BOP1: variants seen among roughly 807,000 people sequenced by gnomAD.
The protein encoded by BOP1 is BOP1 ribosomal biogenesis factor.
Under a neutral mutation model 82.9 loss-of-function variants are expected in BOP1, and 54 were observed. The ratio of observed to expected loss-of-function variants is 0.65; its 90% confidence interval spans 0.52 to 0.82. The LOEUF is 0.82. Among genes scored for constraint, BOP1 ranks in the 40% least tolerant of loss-of-function variants. The probability of loss-of-function intolerance (pLI) is 0.00; values close to 1 mark genes in which losing one functional copy is unlikely to be tolerated. For synonymous variants in BOP1, 566 were observed against 451.1 expected, an observed-to-expected ratio of 1.25 and a Z score of -3.23; for missense variants, 1,170 against 1,072.0, an observed-to-expected ratio of 1.09 and a Z score of -1.28.
rs1845233938 is a variant in BOP1, at chr8:144,262,606, TTGG to T, written c.1958_1960del (p.Thr653del). The T allele has an allele frequency of 6.2e-7, 1 of 1,613,290 alleles. No individual in the cohort carries two copies. Among genetic ancestry groups the T allele is most frequent in the Non-Finnish European group, 8.5e-7 (1 of 1,179,818 alleles). On this transcript the variant is annotated inframe_deletion, in exon 14 of 16. Coordinates refer to ENST00000569669, the MANE Select transcript of BOP1 (RefSeq NM_015201.5). ...TCCTCACCTCAGCATCCTGTATGGC[TTGG>T]TGGAAAGATCCAGGTCAAACCACAC...
At chr8:144,283,746 G>C (rs1264984055) in intron 2 of BOP1, among the ~76,000 whole-genome samples, 1 of 152,266 alleles carries the variant, frequency 6.6e-6, no homozygotes, top group Non-Finnish European at 1.5e-5. Flanking sequence ...CTGGTGGTGG[G>C]AAAGCAGCTG....
chr8:144,262,666 T>A lies in BOP1; in HGVS notation c.1901A>T (p.Asn634Ile). ...SSLAVHPAGD[N>I]VICGSYDSKL... ...GCTATCGTAGCTCCCACAGATGACG[T>A]TGTCACCTAGGGCCAAAGGCTGTGA... Residue 634 changes from asparagine (N) to isoleucine (I), a missense_variant, in exon 14 of 16, where the codon AAC becomes ATC. Physicochemically the swap from Asn to Ile is moderately radical, Grantham distance 149. Transcript: ENST00000569669. The A allele has an allele frequency of 6.2e-7, 1 of 1,613,246 alleles. No homozygotes were observed. The highest frequency in any genetic ancestry group is 8.5e-7 in the Non-Finnish European group (1 of 1,179,774).
Position 144,262,383 on chromosome 8 carries a change from G to C in BOP1, c.2087+13C>G, listed in dbSNP as rs1588585008. ...CTGCCCTGGGGAGGGGGCCAGGCAG[G>C]GTCAGCACTCACTTGTACACCATGC... On this transcript the variant is annotated intron_variant, in intron 15 of 15. Coordinates refer to ENST00000569669, the MANE Select transcript of BOP1 (RefSeq NM_015201.5). 8 of 1,612,678 alleles carry C rather than the reference G, an allele frequency of 5.0e-6. No homozygotes were observed. Among genetic ancestry groups the C allele is most frequent in the Non-Finnish European group, 6.8e-6 (8 of 1,179,800 alleles).
intron 3 of BOP1, among the ~76,000 whole-genome samples, chr8:144,275,833 A>G (rs1168302429): frequency 6.6e-6 from 1 of 151,572 alleles, no homozygotes; most frequent in Non-Finnish European, 1.5e-5. Flanking sequence ...CGACAGGGGC[A>G]CCACCCATGC....
At chr8:144,266,649 C>T in intron 3 of BOP1, 2 of 1,252,454 alleles carry the variant, frequency 1.6e-6, no homozygotes, top group Non-Finnish European at 2.0e-6. Flanking sequence ...CGCCGCCGGG[C>T]CGCTACCTGT....
chr8:144,263,551 C>G lies in BOP1; in HGVS notation c.1351G>C (p.Val451Leu). The stretch of plus-strand genomic sequence containing the variant: ...CTCTTCACCACGCCCCCCACGGGAA[C>G]AGTCCTCACACAGCGGGCAGTGGCC... ...EVATARCVRT[V>L]PVGGVVKSVA... The change falls in exon 11 of 16, where the codon GTT becomes CTT. Residue 451 changes from valine (V) to leucine (L), a missense_variant. Val to Leu is a conservative substitution (Grantham distance 32, BLOSUM62 1). Coordinates refer to ENST00000569669, the MANE Select transcript of BOP1 (RefSeq NM_015201.5). The G allele has an allele frequency of 1.2e-6, 2 of 1,601,480 alleles. No individual in the cohort carries two copies. The highest frequency in any genetic ancestry group is 1.3e-5 in the African/African-American group (1 of 75,022).
chr8:144,287,596 C>G (rs782143751), intron 2 of BOP1, among the ~76,000 whole-genome samples: 58 of 152,174 alleles, frequency 3.8e-4, no homozygotes, highest in South Asian at 6.2e-4. Flanking sequence ...GATTCCTGGG[C>G]TCAGGAGATC....
chr8:144,265,250 C>G, intron 3 of BOP1, 179 bp from the exon 4 acceptor site: 1 of 716,576 alleles, frequency 1.4e-6, no homozygotes, highest in Non-Finnish European at 2.3e-6. Context: ...CGTGGCATGG[C>G]GGCCACGCTG....
chr8:144,286,302 A>G (rs1189189472), intron 2 of BOP1, among the ~76,000 whole-genome samples: 1 of 152,158 alleles, frequency 6.6e-6, no homozygotes, highest in African/African-American at 2.4e-5. Context: ...CCCCTCAGCT[A>G]AAGCACAGGA....
At chr8:144,286,156 GA>G (rs1305107899) in intron 2 of BOP1, among the ~76,000 whole-genome samples, 9 of 152,166 alleles carry the variant, frequency 5.9e-5, no homozygotes, top group Non-Finnish European at 1.5e-5. Context: ...GAACAGGGGG[GA>G]AAAGGGAGGG....
chr8:144,287,469 C>T (rs578039429), intron 2 of BOP1, among the ~76,000 whole-genome samples: 10 of 152,154 alleles, frequency 6.6e-5, no homozygotes, highest in Non-Finnish European at 1.2e-4. Flanking sequence ...AATGGTGCTG[C>T]TACAATATCT....
rs1377471852 is a variant in BOP1 at position 144,264,205 on chromosome 8, C to G, written c.978+20G>C. The G allele has an allele frequency of 6.2e-7, 1 of 1,606,858 alleles. No individual in the cohort carries two copies. The highest frequency in any genetic ancestry group is 8.5e-7 in the Non-Finnish European group (1 of 1,177,670). On this transcript the variant is annotated intron_variant, in intron 7 of 15. Transcript: ENST00000569669. Reference sequence around the variant, plus strand: ...GGGAAGCATGGGGACAGGGTCCCGGCCCCCAGGATGCAGGCCCACCTCCTC... The same window carrying G: ...GGGAAGCATGGGGACAGGGTCCCGGGCCCCAGGATGCAGGCCCACCTCCTC...
At chr8:144,281,626 T>TCACTTTAA (rs1564602188) in intron 2 of BOP1, 1 of 151,032 alleles carries the variant, frequency 6.6e-6, no homozygotes, top group Non-Finnish European at 1.5e-5. Flanking sequence ...AGGCCTTCTC[T>TCACTTTAA]TACTTTAATA....
intron 2 of BOP1, among the ~76,000 whole-genome samples, chr8:144,286,444 ACGCGGGCAGG>A (rs1554839483): frequency 8.0e-6 from 1 of 125,338 alleles, no homozygotes; most frequent in African/African-American, 3.0e-5. Flanking sequence ...AGCACAGGAC[ACGCGGGCAGG>A]TGCATGGGCG....
chr8:144,263,398 C>T lies in BOP1; in HGVS notation c.1428G>A (p.Glu476=). Residue 476 remains glutamate (E), a synonymous_variant, in exon 12 of 16, where the codon GAG becomes GAA. Transcript: ENST00000569669. The part of the protein sequence containing the change: ...PAVCLVAAAV[E]DSVLLLNPAL... ...CTGGGTTCAGCAGCAGCACCGAGTC[C>T]TCCCTGTGAGCCAGGCCCAGACACG... The T allele has an allele frequency of 2.5e-6, 4 of 1,597,744 alleles. No individual in the cohort carries two copies. Among genetic ancestry groups the T allele is most frequent in the Non-Finnish European group, 3.4e-6 (4 of 1,179,644 alleles).
chr8:144,283,201 C>CA (rs60868806), intron 2 of BOP1, among the ~76,000 whole-genome samples: 1,637 of 54,228 alleles, frequency 0.03, 51 homozygotes, highest in African/African-American at 0.085. Flanking sequence ...AACTCCATCT[C>CA]AAAAAAAAAA....
chr8:144,280,108 G>A (rs782784987), intron 2 of BOP1, among the ~76,000 whole-genome samples: 9 of 152,214 alleles, frequency 5.9e-5, no homozygotes, highest in Non-Finnish European at 1.2e-4. Context: ...ATATCTGTTT[G>A]ATGCTGCAAA....
chr8:144,267,856 T>C (rs1370356693), intron 3 of BOP1, among the ~76,000 whole-genome samples: 2 of 152,124 alleles, frequency 1.3e-5, no homozygotes, highest in Non-Finnish European at 2.9e-5. Flanking sequence ...CTTTTCCCAA[T>C]CCCCATTTCC....
Position 144,265,072 on chromosome 8 carries a change from C to A in BOP1, c.391-1G>T. On this transcript the variant is annotated splice_acceptor_variant, in intron 3 of 15. Transcript: ENST00000569669. LOFTEE classifies it high-confidence loss of function. ...CGTTGCCCACCGTGTTCCGGATGTCCTGCAGCCGGGGGCCACCATGTCGGC... is the reference window on the plus strand; with the variant it reads ...CGTTGCCCACCGTGTTCCGGATGTCATGCAGCCGGGGGCCACCATGTCGGC... 1 of 1,607,664 alleles carries A rather than the reference C, an allele frequency of 6.2e-7. No homozygotes were observed. Among genetic ancestry groups the A allele is most frequent in the South Asian group, 1.1e-5 (1 of 90,638 alleles).
Sources: allele counts gnomAD v4.1 joint callset (sites outside exome capture counted in the v4.1 genomes callset), GRCh38; gene constraint gnomAD v4.1.1; transcripts MANE v1.5; gene names NCBI Gene and HGNC (gene_info 2026-07-23, HGNC 2026-07-21).